FER1L5: variants seen among roughly 807,000 people sequenced by gnomAD.
FER1L5 encodes the protein fer-1-like protein 5.
In FER1L5, 187 loss-of-function variants were observed where a neutral mutation model predicts 279.9. The observed-to-expected ratio is 0.67, with a 90% CI of 0.59 to 0.75. FER1L5 has a LOEUF of 0.75. FER1L5 is among the 30% of genes least tolerant of loss of function. The pLI is 0.00. For synonymous variants in FER1L5, 921 were observed against 989.7 expected (o/e 0.93, Z 1.30); for missense variants, 2,091 against 2,594.4 (o/e 0.81, Z 4.21).
chr2:96,659,466 T>TTTC (rs2075842439), intron 9 of FER1L5, among the ~76,000 whole-genome samples: 1 of 26,758 alleles, frequency 3.7e-5, no homozygotes, highest in Non-Finnish European at 5.7e-5. Context: ...TCTTTCTTTC[T>TTTC]TTCTTTCTTT....
In FER1L5 at chr2:96,657,238, C is replaced by T. The variant is rs373901056; in HGVS notation, c.747+2742C>T. Among the ~76,000 whole-genome samples, 12 of 151,792 alleles carry T rather than the reference C, an allele frequency of 7.9e-5. No homozygotes were observed. The East Asian group carries it at 1.6e-3, about 20-fold the overall frequency. ...CACAGGCACGTGCCACCATGCCCAG[C>T]GAATTTTTGTATTTTTAGTGGAGAT... On this transcript the variant is annotated intron_variant, in intron 9 of 52. Coordinates refer to ENST00000624922, the MANE Select transcript of FER1L5 (RefSeq NM_001293083.2).
At chr2:96,684,145 T>C (rs1487455292) in intron 19 of FER1L5, among the ~76,000 whole-genome samples, 182 bp from the exon 20 acceptor site, 1 of 152,154 alleles carries the variant, frequency 6.6e-6, no homozygotes, top group African/African-American at 2.4e-5. Flanking sequence ...GTGCACACAT[T>C]CTCACATTCT....
chr2:96,667,622 C>T (rs1303462447), intron 14 of FER1L5, among the ~76,000 whole-genome samples: 2 of 152,168 alleles, frequency 1.3e-5, no homozygotes, highest in Non-Finnish European at 2.9e-5. Flanking sequence ...GCTGGGATTA[C>T]AGGCATGTGC....
At chr2:96,670,325 G>T in intron 18 of FER1L5, 78 bp downstream of exon 18, 1 of 1,527,064 alleles carries the variant, frequency 6.5e-7, no homozygotes, top group East Asian at 2.5e-5. Context: ...CCCAGTTTCT[G>T]ACCGTGTAGA....
intron 18 of FER1L5, among the ~76,000 whole-genome samples, chr2:96,671,928 GGAGAGGTAGGAGCCAGTGCACA>G (rs2076341859): frequency 6.6e-6 from 1 of 152,098 alleles, no homozygotes; most frequent in Non-Finnish European, 1.5e-5. Context: ...TAGATGGGAG[GGAGAGGTAGGAGCCAGTGCACA>G]GAGACAAACC....
intron 14 of FER1L5, among the ~76,000 whole-genome samples, chr2:96,667,147 G>A (rs2076153315): frequency 1.3e-5 from 2 of 151,964 alleles, no homozygotes; most frequent in African/African-American, 4.8e-5. Context: ...CAGCAGAGTG[G>A]TTTTGGCAAC....
At chr2:96,651,361 TTTCC>T (rs891521900) in intron 6 of FER1L5, among the ~76,000 whole-genome samples, 4 of 150,994 alleles carry the variant, frequency 2.6e-5, no homozygotes, top group Non-Finnish European at 4.4e-5. Context: ...TTTTTCTTTC[TTTCC>T]TTCCTTCCTT....
In FER1L5 at chr2:96,695,553, C is replaced by T; in HGVS notation, c.3786C>T (p.Pro1262=). 1.3e-6 allele frequency: 2 copies of T among 1,593,774 alleles called. No individual in the cohort carries two copies. The highest frequency in any genetic ancestry group is 2.3e-5 in the South Asian group (2 of 87,592). The part of the protein sequence containing the change: ...GLRNMKKASS[P]QLLVEFGEES... ...GGAACATGAAGAAGGCGAGCTCCCCCCAGCTCCTGGTGGAATTCGGGGAAG... is the reference window on the plus strand; with the variant it reads ...GGAACATGAAGAAGGCGAGCTCCCCTCAGCTCCTGGTGGAATTCGGGGAAG... Residue 1262 remains proline (P), a synonymous_variant, in exon 35 of 53, where the codon CCC becomes CCT. Coordinates refer to ENST00000624922, the MANE Select transcript of FER1L5 (RefSeq NM_001293083.2).
chr2:96,669,217 C>T (rs915130629), intron 17 of FER1L5, 80 bp downstream of exon 17: 15 of 1,364,896 alleles, frequency 1.1e-5, no homozygotes, highest in African/African-American at 2.9e-5. Flanking sequence ...GGACGTGCCC[C>T]GAGGCCCCGG....
intron 19 of FER1L5, among the ~76,000 whole-genome samples, chr2:96,677,865 CAAA>C (rs1186036662): frequency 4.3e-5 from 4 of 93,826 alleles, no homozygotes; most frequent in Admixed American, 1.2e-4. Context: ...AACTCCGTCT[CAAA>C]AAAAAAAAAA....
At chr2:96,697,845 C>A (rs954059588) in intron 39 of FER1L5, 84 bp downstream of exon 39, 45 of 1,527,680 alleles carry the variant, frequency 2.9e-5, no homozygotes, top group Non-Finnish European at 3.9e-5. Context: ...CTCTGGGAAG[C>A]CTCAAGTGGG....
At position 96,694,147 on chromosome 2, in the gene FER1L5, G is replaced by T; in HGVS notation, c.3636+75G>T. 1 of 1,476,692 alleles carries T rather than the reference G, an allele frequency of 6.8e-7. No individual in the cohort carries two copies. 91.5% of individuals were successfully genotyped at this position (1,476,692 alleles called of 1,614,324 possible). A position where few individuals can be genotyped will look rare whatever the true frequency, so the allele number is the denominator to read the frequency against. On this transcript the variant is annotated intron_variant, in intron 33 of 52. Transcript: ENST00000624922. The surrounding 1 kb of genome is among the most constrained non-coding windows in gnomAD (Gnocchi z 4.6). ...CCCGTCCCACCCCCAGCCAGCGGGG[G>T]CCAACTCCACCCTGTCAGGAAATGC...
chr2:96,651,237 C>CCCTTTCTT (rs1553446607), intron 6 of FER1L5, among the ~76,000 whole-genome samples: 7 of 128,518 alleles, frequency 5.4e-5, no homozygotes, highest in East Asian at 4.7e-4. Context: ...TTCTTTCTTT[C>CCCTTTCTT]TCTTTCTTTC....
rs1558853193 is a variant in FER1L5, at chr2:96,659,340, TCCTTCCTTCCTTCCTTCCTTCC to T, written c.748-1000_748-979del. On this transcript the variant is annotated intron_variant, in intron 9 of 52. Coordinates refer to ENST00000624922, the MANE Select transcript of FER1L5 (RefSeq NM_001293083.2). ...TTCCTTCCTTCCTTCCTTCCTTCCT[TCCTTCCTTCCTTCCTTCCTTCC>T]TTCTTTCTTTCTTTCTTTCTTTCTT... is the stretch of plus-strand genomic sequence containing the variant. Among the ~76,000 whole-genome samples, 7 of 83,400 alleles carry T rather than the reference TCCTTCCTTCCTTCCTTCCTTCC, an allele frequency of 8.4e-5. 1 individual carries two copies. In the East Asian group the frequency reaches 2.0e-3, roughly 24 times the overall value. 54.7% of individuals were successfully genotyped at this position (83,400 alleles called of 152,430 possible).
chr2:96,699,824 G>T, intron 43 of FER1L5, 104 bp downstream of exon 43: 2 of 1,578,112 alleles, frequency 1.3e-6, no homozygotes, highest in East Asian at 4.5e-5. Flanking sequence ...CCAGGGCCCA[G>T]ACCTGCCCAG....
intron 23 of FER1L5, among the ~76,000 whole-genome samples, chr2:96,686,855 C>CAAAAAA (rs58724485): frequency 4.9e-5 from 2 of 41,150 alleles, no homozygotes; most frequent in East Asian, 7.0e-4. Context: ...GACTCCGTCT[C>CAAAAAA]AAAAAAAAAA....
chr2:96,659,605 C>G (rs2075874656), intron 9 of FER1L5, among the ~76,000 whole-genome samples: 1 of 149,982 alleles, frequency 6.7e-6, no homozygotes, highest in Non-Finnish European at 1.5e-5. Context: ...CATTCTCCTG[C>G]CTGAACCTCC....
At chr2:96,678,837 G>A (rs554390122) in intron 19 of FER1L5, among the ~76,000 whole-genome samples, 1 of 152,252 alleles carries the variant, frequency 6.6e-6, no homozygotes, top group Non-Finnish European at 1.5e-5. Flanking sequence ...TTATTATTGA[G>A]TTGCAATAAT....
chr2:96,687,749 G>A, intron 23 of FER1L5, 67 bp from the exon 24 acceptor site: 1 of 1,536,052 alleles, frequency 6.5e-7, no homozygotes, highest in South Asian at 1.2e-5. Flanking sequence ...CAGCCCACTT[G>A]GGGGGTGGCC....
Sources: gnomAD v4.1 joint callset for allele counts (sites outside exome capture counted in the v4.1 genomes callset) on GRCh38, gnomAD v4.1.1 for gene constraint, Gnocchi (gnomAD v3.1) non-coding constraint, MANE v1.5 for transcripts, NCBI Gene and HGNC (gene_info 2026-07-23, HGNC 2026-07-21) for gene names.